The following SLC1A3 variants were observed in gnomAD, a reference collection of about 807,000 sequenced individuals.
SLC1A3 encodes excitatory amino acid transporter 1.
SLC1A3 carries 21 observed loss-of-function variants against 48.1 expected under a neutral mutation model. That is an observed-to-expected ratio of 0.44 (90% CI 0.31 to 0.63). The LOEUF (loss-of-function observed/expected upper bound fraction) is 0.63. Among genes scored for constraint, SLC1A3 ranks in the 20% least tolerant of loss-of-function variants. SLC1A3 has a pLI of 0.08. For synonymous variants in SLC1A3, 239 were observed against 251.4 expected (o/e 0.95, Z 0.47); for missense variants, 546 against 689.0 (o/e 0.79, Z 2.32).
chr5:36,641,717 A>G (rs900891070), intron 3 of SLC1A3, among the ~76,000 whole-genome samples: 3 of 152,176 alleles, frequency 2.0e-5, no homozygotes, highest in Admixed American at 2.0e-4. Flanking sequence ...TCTGGAAGAT[A>G]GTTTTAGAGC....
chr5:36,600,883 C>G lies in SLC1A3; in HGVS notation c.-96+4205C>G, dbSNP rs139765350. Among the ~76,000 whole-genome samples the G allele has an allele frequency of 3.0e-3, 454 of 152,308 alleles. 1 individual carries two copies. The highest frequency in any genetic ancestry group is 9.8e-3 in the African/African-American group (409 of 41,554). On this transcript the variant is annotated intron_variant, in intron 1 of 9. Coordinates refer to the SLC1A3 transcript ENST00000680318. ...AGATTACTATGATTGCATCCAATGT[C>G]CAAAAGTTATTTCAGCCACTAAGGT...
At chr5:36,684,838 C>T (rs1742581016) in intron 9 of SLC1A3, among the ~76,000 whole-genome samples, 1 of 152,124 alleles carries the variant, frequency 6.6e-6, no homozygotes, top group Non-Finnish European at 1.5e-5. Flanking sequence ...GGCAGATTAC[C>T]CAACCACCCT....
Position 36,629,506 on chromosome 5 carries a change from T to C in SLC1A3, c.238T>C (p.Tyr80His), listed in dbSNP as rs765415537. The C allele has an allele frequency of 9.3e-6, 15 of 1,612,540 alleles. No homozygotes were observed. The highest frequency in any genetic ancestry group is 2.7e-5 in the African/African-American group (2 of 74,780). ...CAGAATGAGCTACCGGGAAGTCAAG[T>C]ACTTCTCCTTTCCTGGGGAACTTCT... The part of the protein sequence containing the change: ...PYRMSYREVK[Y>H]FSFPGELLMR... The change falls in exon 3 of 10, where the codon TAC (tyrosine) becomes CAC (histidine). Residue 80 changes from tyrosine to histidine, a missense_variant. Physicochemically the swap from Tyr to His is moderately conservative, Grantham distance 83. Transcript: ENST00000265113.
Position 36,686,533 on chromosome 5 carries a change from C to G in SLC1A3, c.*264C>G, listed in dbSNP as rs1742655925. On this transcript the variant is annotated 3_prime_UTR_variant, in exon 10 of 10. Coordinates refer to ENST00000265113, the MANE Select transcript of SLC1A3 (RefSeq NM_004172.5). ...TACCAAGATCACAAATAGTGTTGAT[C>G]AGATCTTACAAGTTTATGTGGCACA... is the stretch of plus-strand genomic sequence containing the variant. The G allele has an allele frequency of 2.1e-6, 1 of 487,418 alleles. No individual in the cohort carries two copies. 30.2% of individuals were successfully genotyped at this position (487,418 alleles called of 1,614,324 possible).
rs1001501963 is a variant in SLC1A3, at chr5:36,686,266, G to A, written c.1626G>A (p.Met542Ile). The A allele has an allele frequency of 6.2e-6, 10 of 1,608,616 alleles. No individual in the cohort carries two copies. Among genetic ancestry groups the A allele is most frequent in the Non-Finnish European group, 8.5e-6 (10 of 1,175,012 alleles). The change falls in exon 10 of 10, where the codon ATG (methionine) becomes ATA (isoleucine). Residue 542 changes from methionine (M) to isoleucine (I), a missense_variant. By Grantham distance (10) the Met-to-Ile change is conservative. This residue lies in a region of SLC1A3 where 56 missense variants were observed against 59.0 expected (regional missense o/e 0.95). Coordinates refer to ENST00000265113, the MANE Select transcript of SLC1A3 (RefSeq NM_004172.5). Reference sequence around the variant, plus strand: ...AACCCATCGACAGTGAAACCAAGATGTAGACTAACATAAAGAAACACTTTC... The same window carrying A: ...AACCCATCGACAGTGAAACCAAGATATAGACTAACATAAAGAAACACTTTC... ...TEKPIDSETKM is the reference protein window; with the variant it reads ...TEKPIDSETKI
intron 2 of SLC1A3, among the ~76,000 whole-genome samples, chr5:36,622,777 C>T (rs1219026012): frequency 2.6e-5 from 4 of 151,866 alleles, no homozygotes; most frequent in African/African-American, 4.8e-5. Context: ...TTTGGGAGGC[C>T]GAGGTGGGCA....
At chr5:36,670,894 C>G in intron 3 of SLC1A3, 135 bp from the exon 4 acceptor site, 2 of 793,464 alleles carry the variant, frequency 2.5e-6, no homozygotes. Flanking sequence ...GGGCCAGGTT[C>G]TCACAACATG....
At chr5:36,676,745 A>AAG (rs933068441) in intron 5 of SLC1A3, 147 bp from the exon 6 acceptor site, 5 of 643,784 alleles carry the variant, frequency 7.8e-6, no homozygotes, top group Non-Finnish European at 1.3e-5. Flanking sequence ...CCACAGATTA[A>AAG]AGAGAGAGAG....
At chr5:36,607,325 T>C (rs553702907) in intron 1 of SLC1A3, 3 of 152,286 alleles carry the variant, frequency 2.0e-5, no homozygotes, top group South Asian at 2.1e-4. Flanking sequence ...CGGCTGGTTT[T>C]CACTCGGATT....
chr5:36,627,058 T>C (rs1364420918), intron 2 of SLC1A3, among the ~76,000 whole-genome samples: 1 of 152,076 alleles, frequency 6.6e-6, no homozygotes, highest in East Asian at 1.9e-4. Flanking sequence ...TTTAATATAA[T>C]GTAAGGCAAA....
Position 36,662,839 on chromosome 5 carries a change from C to T in SLC1A3, c.320-8190C>T, listed in dbSNP as rs143275371. On this transcript the variant is annotated intron_variant, in intron 3 of 9. Coordinates refer to ENST00000265113, the MANE Select transcript of SLC1A3 (RefSeq NM_004172.5). ...CTGTCATGAGAGTCAATTGAATGGT[C>T]AAGACCAGCGTAGACAGAAATAAAG... 3.1e-3 allele frequency among the ~76,000 whole-genome samples: 477 copies of T among 152,310 alleles called. 2 individuals are homozygous for T. Among genetic ancestry groups the T allele is most frequent in the African/African-American group, 0.011 (447 of 41,562 alleles).
At chr5:36,657,659 TGGA>T (rs1306804491) in intron 3 of SLC1A3, among the ~76,000 whole-genome samples, 1 of 152,236 alleles carries the variant, frequency 6.6e-6, no homozygotes, top group East Asian at 1.9e-4. Flanking sequence ...GCTGCAATGC[TGGA>T]TGGAAACCAA....
chr5:36,609,689 G>T (rs950595783), intron 2 of SLC1A3, among the ~76,000 whole-genome samples: 1 of 152,162 alleles, frequency 6.6e-6, no homozygotes, highest in Non-Finnish European at 1.5e-5. Context: ...TAACATCATT[G>T]TCTTCCATTA....
chr5:36,680,665 C>G, intron 8 of SLC1A3, 76 bp downstream of exon 8: 2 of 1,305,300 alleles, frequency 1.5e-6, no homozygotes, highest in Admixed American at 3.4e-5. Flanking sequence ...CGCCTGTAAT[C>G]CTAACACTTT....
chr5:36,605,062 C>T (rs1437862035), upstream of SLC1A3, among the ~76,000 whole-genome samples: 1 of 152,140 alleles, frequency 6.6e-6, no homozygotes, highest in Non-Finnish European at 1.5e-5. Flanking sequence ...TGTGTTTTAA[C>T]ACAAAAGATT....
upstream of SLC1A3, among the ~76,000 whole-genome samples, chr5:36,602,709 C>T (rs941710644): frequency 1.3e-5 from 2 of 152,154 alleles, no homozygotes; most frequent in Middle Eastern, 3.2e-3. Context: ...TTTCTTGCCA[C>T]GTGGGAATCT....
intron 3 of SLC1A3, among the ~76,000 whole-genome samples, chr5:36,639,017 C>G (rs1407629295): frequency 6.6e-6 from 1 of 152,130 alleles, no homozygotes; most frequent in Non-Finnish European, 1.5e-5. Context: ...ATGACACATA[C>G]AAATATTGAT....
At chr5:36,615,168 G>A (rs537175093) in intron 2 of SLC1A3, among the ~76,000 whole-genome samples, 3 of 152,282 alleles carry the variant, frequency 2.0e-5, no homozygotes, top group African/African-American at 7.2e-5. Context: ...AAAGCATTGA[G>A]AGTCTAAAGA....
At chr5:36,597,925 A>G (rs1738763821) in intron 1 of SLC1A3, among the ~76,000 whole-genome samples, 1 of 152,104 alleles carries the variant, frequency 6.6e-6, no homozygotes, top group Admixed American at 6.6e-5. Context: ...CATCTCTCTC[A>G]TGAGGTCTTC....
Sources: gnomAD v4.1 joint callset for allele counts (sites outside exome capture counted in the v4.1 genomes callset) on GRCh38, gnomAD v4.1.1 for gene constraint, gnomAD v4.1.1 regional missense constraint, MANE v1.5 for transcripts, NCBI Gene and HGNC (gene_info 2026-07-23, HGNC 2026-07-21) for gene names.